Variants in CES5A observed in about 807,000 individuals in gnomAD.
CES5A encodes the protein carboxylesterase 5.
In CES5A, 67 loss-of-function variants were observed where a neutral mutation model predicts 62.9. The observed-to-expected ratio is 1.07, with a 90% confidence interval of 0.88 to 1.31. CES5A has a LOEUF of 1.31. Ranked by LOEUF, CES5A falls within the 50% of genes most tolerant of loss-of-function variation. CES5A has a pLI of 0.00. For synonymous variants in CES5A, 296 were observed against 280.8 expected (o/e 1.05, Z -0.54); for missense variants, 748 against 708.5 (o/e 1.06, Z -0.63).
At chr16:55,929,664 C>A (rs1178000912), upstream of CES5A, among the ~76,000 whole-genome samples, 1 of 152,108 alleles carries the variant, frequency 6.6e-6, no homozygotes, top group African/African-American at 2.4e-5. Flanking sequence ...CCATGGTGAA[C>A]AAACTAGCAA....
intron 1 of CES5A, among the ~76,000 whole-genome samples, chr16:55,917,159 T>A (rs960280853): frequency 3.9e-5 from 6 of 152,228 alleles, no homozygotes; most frequent in Non-Finnish European, 8.8e-5. Context: ...TCCAGTTCCA[T>A]GGTTTTAAGT....
intron 11 of CES5A, among the ~76,000 whole-genome samples, chr16:55,848,201 C>T (rs544357882): frequency 6.6e-6 from 1 of 152,264 alleles, no homozygotes; most frequent in African/African-American, 2.4e-5. Flanking sequence ...CGAACTCGGG[C>T]TCAAGTGATC....
chr16:55,868,727 C>G (rs565761695), intron 4 of CES5A, among the ~76,000 whole-genome samples: 2 of 152,318 alleles, frequency 1.3e-5, no homozygotes, highest in East Asian at 3.9e-4. Context: ...CCACCTCTCA[C>G]TTCTCCTCTT....
chr16:55,876,450 A>G (rs1309434846), upstream of CES5A, among the ~76,000 whole-genome samples: 2 of 152,220 alleles, frequency 1.3e-5, no homozygotes, highest in African/African-American at 4.8e-5. Flanking sequence ...CCCCAAAGTA[A>G]GACAAACAGG....
chr16:55,875,601 T>C (rs1237521306), upstream of CES5A, among the ~76,000 whole-genome samples: 1 of 152,164 alleles, frequency 6.6e-6, no homozygotes, highest in Admixed American at 6.5e-5. Flanking sequence ...AAAGACACAG[T>C]GCAGGTCAGA....
chr16:55,868,173 T>C (rs1158999724), intron 4 of CES5A, among the ~76,000 whole-genome samples: 1 of 152,190 alleles, frequency 6.6e-6, no homozygotes, highest in African/African-American at 2.4e-5. Flanking sequence ...CAAAACCAGA[T>C]ACGATAAGCA....
At chr16:55,922,839 A>G (rs996454568) in intron 1 of CES5A, among the ~76,000 whole-genome samples, 2 of 151,922 alleles carry the variant, frequency 1.3e-5, no homozygotes, top group South Asian at 4.1e-4. Flanking sequence ...GATATCAAGT[A>G]CCTTTTTTGA....
intron 2 of CES5A, among the ~76,000 whole-genome samples, chr16:55,938,771 TATA>T (rs2034410344): frequency 2.3e-5 from 1 of 42,652 alleles, no homozygotes; most frequent in African/African-American, 1.1e-4. Flanking sequence ...AAAAAATATA[TATA>T]TATATATATA....
At chr16:55,884,644 T>G (rs181869453) in intron 1 of CES5A, among the ~76,000 whole-genome samples, 123 of 152,006 alleles carry the variant, frequency 8.1e-4, no homozygotes, top group Non-Finnish European at 1.6e-3. Context: ...CAGACTGGAG[T>G]GCAATAGCAT....
At chr16:55,909,289 C>T (rs1163350493) in intron 1 of CES5A, among the ~76,000 whole-genome samples, 1 of 152,164 alleles carries the variant, frequency 6.6e-6, no homozygotes, top group Non-Finnish European at 1.5e-5. Flanking sequence ...GTCTTTCCTG[C>T]ACCCTCTTTC....
intron 1 of CES5A, among the ~76,000 whole-genome samples, chr16:55,912,206 G>A (rs543413957): frequency 1.3e-5 from 2 of 152,316 alleles, no homozygotes; most frequent in South Asian, 2.1e-4. Flanking sequence ...TCATCTTCTC[G>A]CTGTCGTCAG....
In CES5A at chr16:55,882,599, G is replaced by A. The variant is rs571248498; in HGVS notation, c.-255-8562C>T. 2.3e-3 allele frequency among the ~76,000 whole-genome samples: 347 copies of A among 152,290 alleles called. 2 individuals carry two copies. The highest frequency in any genetic ancestry group is 4.3e-3 in the Non-Finnish European group (290 of 68,016). On this transcript the variant is annotated intron_variant, in intron 1 of 12. Transcript: ENST00000518005. The stretch of plus-strand genomic sequence containing the variant: ...AGACCCTACCCCACTCAAACCTGGT[G>A]GTCTTTCATGTGATCTGGAATTTGG...
chr16:55,851,325 G>A (rs528832386), intron 10 of CES5A, among the ~76,000 whole-genome samples: 2 of 152,156 alleles, frequency 1.3e-5, no homozygotes, highest in South Asian at 4.2e-4. Flanking sequence ...TTCAAAAATG[G>A]GCAAGGGTCT....
intron 1 of CES5A, among the ~76,000 whole-genome samples, chr16:55,897,640 T>C (rs1173140437): frequency 1.3e-5 from 2 of 152,176 alleles, no homozygotes; most frequent in East Asian, 1.9e-4. Flanking sequence ...AAGCTCTCAA[T>C]GTACAATGGG....
upstream of CES5A, among the ~76,000 whole-genome samples, chr16:55,879,637 T>C (rs993402596): frequency 7.9e-5 from 12 of 152,174 alleles, no homozygotes. Flanking sequence ...TTTGAGACAG[T>C]GTCTCTCTGT....
intron 1 of CES5A, among the ~76,000 whole-genome samples, chr16:55,893,052 C>T (rs1282109773): frequency 6.6e-6 from 1 of 152,164 alleles, no homozygotes; most frequent in South Asian, 2.1e-4. Context: ...TGGTCCCTGC[C>T]TGCCAATTCT....
At chr16:55,868,008 T>C (rs565240242) in intron 4 of CES5A, among the ~76,000 whole-genome samples, 2 of 152,318 alleles carry the variant, frequency 1.3e-5, no homozygotes, top group African/African-American at 4.8e-5. Context: ...GTGAGGTTCC[T>C]GGTACACTAC....
intron 5 of CES5A, among the ~76,000 whole-genome samples, chr16:55,863,987 C>G (rs571224183): frequency 6.6e-6 from 1 of 152,110 alleles, no homozygotes; most frequent in Non-Finnish European, 1.5e-5. Flanking sequence ...AATCTCCTGA[C>G]CACTCACCTC....
At position 55,849,739 on chromosome 16, in the gene CES5A, C is replaced by A. The variant is rs1370384220; in HGVS notation, c.1308G>T (p.Arg436=). ...AGAPVYFYEF[R]HRPQCFEDTK... is the part of the protein sequence containing the mutation. ...TGTCTTCAAAGCACTGAGGCCGGTGCCGAAACTCATAGAAGTAGACAGGTG... is the reference window on the plus strand; with the variant it reads ...TGTCTTCAAAGCACTGAGGCCGGTGACGAAACTCATAGAAGTAGACAGGTG... Residue 436 remains arginine, a synonymous_variant, in exon 11 of 13, where the codon CGG becomes CGT. Transcript: ENST00000290567. 1.9e-6 allele frequency: 3 copies of A among 1,613,946 alleles called. No individual in the cohort carries two copies. The South Asian group carries it at 3.3e-5, about 18-fold the overall frequency.
Sources: allele counts gnomAD v4.1 joint callset (sites outside exome capture counted in the v4.1 genomes callset), GRCh38; gene constraint gnomAD v4.1.1; transcripts MANE v1.5; gene names NCBI Gene and HGNC (gene_info 2026-07-23, HGNC 2026-07-21).